The following DSCAML1 variants were observed in gnomAD, a reference collection of about 807,000 sequenced individuals.
The protein encoded by DSCAML1 is cell adhesion molecule DSCAML1.
Under a neutral mutation model 200.5 loss-of-function variants are expected in DSCAML1, and 38 were observed. The observed-to-expected ratio is 0.19, with a 90% confidence interval of 0.15 to 0.25. The LOEUF is 0.25. DSCAML1 is among the 10% of genes least tolerant of loss of function. The pLI, the probability that DSCAML1 is intolerant of heterozygous loss-of-function variation, is 1.00. For synonymous variants in DSCAML1, 1,215 were observed against 1,165.0 expected (o/e 1.04, Z -0.87); for missense variants, 2,223 against 2,858.8 (o/e 0.78, Z 5.07).
At chr11:117,652,078 C>T (rs929738509) in intron 3 of DSCAML1, among the ~76,000 whole-genome samples, 21 of 152,178 alleles carry the variant, frequency 1.4e-4, no homozygotes, top group African/African-American at 2.4e-4. Context: ...TCTCAGGGTT[C>T]GGAGATCGCA....
chr11:117,809,221 G>T (rs1482707499), intron 1 of DSCAML1, among the ~76,000 whole-genome samples: 1 of 152,252 alleles, frequency 6.6e-6, no homozygotes, highest in Non-Finnish European at 1.5e-5. Flanking sequence ...TTTGGCGAAG[G>T]GGCTCAGTGC....
intron 3 of DSCAML1, among the ~76,000 whole-genome samples, chr11:117,639,419 A>AATGGATGGGAAGCTGG (rs1565843515): frequency 1.1e-4 from 8 of 73,226 alleles, no homozygotes; most frequent in Non-Finnish European, 2.2e-4. Context: ...TAGGAGGCTG[A>AATGGATGGGAAGCTGG]ATGGATGGGA....
chr11:117,659,385 A>C (rs1169841314), intron 3 of DSCAML1, among the ~76,000 whole-genome samples: 5 of 152,238 alleles, frequency 3.3e-5, no homozygotes, highest in African/African-American at 7.2e-5. Flanking sequence ...ACAACTGGAA[A>C]CTGGGGCCAA....
At chr11:117,432,909 C>T (rs1030623661) in intron 29 of DSCAML1, among the ~76,000 whole-genome samples, 1 of 152,134 alleles carries the variant, frequency 6.6e-6, no homozygotes, top group African/African-American at 2.4e-5. Context: ...CCAACCCAGA[C>T]TTTATCCAAT....
chr11:117,692,605 A>G (rs1039818972), intron 3 of DSCAML1, among the ~76,000 whole-genome samples: 1 of 152,218 alleles, frequency 6.6e-6, no homozygotes, highest in African/African-American at 2.4e-5. Flanking sequence ...CTATGGTTCT[A>G]TAATTAGAGT....
chr11:117,659,799 A>T (rs1038333308), intron 3 of DSCAML1, among the ~76,000 whole-genome samples: 3 of 151,566 alleles, frequency 2.0e-5, no homozygotes, highest in Non-Finnish European at 4.4e-5. Flanking sequence ...GCTCACTGCA[A>T]CCTCCATCTC....
At position 117,489,740 on chromosome 11, in the gene DSCAML1, C is replaced by T. The variant is rs190826695; in HGVS notation, c.2360-7578G>A. Among the ~76,000 whole-genome samples, 40 of 152,334 alleles carry T rather than the reference C, an allele frequency of 2.6e-4. No homozygotes were observed. Among genetic ancestry groups the T allele is most frequent in the African/African-American group, 9.1e-4 (38 of 41,580 alleles). ...GGAGGCCAAGGAGGCTTCCTGATGACTTCCAGGGCTCTTCCCTGACACCCC... is the reference window on the plus strand; with the variant it reads ...GGAGGCCAAGGAGGCTTCCTGATGATTTCCAGGGCTCTTCCCTGACACCCC... On this transcript the variant is annotated intron_variant, in intron 11 of 32. Coordinates refer to ENST00000651296, the MANE Select transcript of DSCAML1 (RefSeq NM_020693.4). This position sits in a 1 kb window ranked among gnomAD's most constrained non-coding sequence, Gnocchi z 4.8.
Position 117,437,305 on chromosome 11 carries a change from T to A in DSCAML1, c.4537A>T (p.Ile1513Phe). 6.2e-7 allele frequency: 1 copy of A among 1,614,248 alleles called. No homozygotes were observed. The highest frequency in any genetic ancestry group is 8.5e-7 in the Non-Finnish European group (1 of 1,180,042). The part of the protein sequence containing the change: ...WNNGGCPITA[I>F]VLEYRPKGTW... ...CCCTTGGGCCGGTACTCCAGAACGA[T>A]GGCTGTGATAGGGCAGCCCCCATTG... is the stretch of plus-strand genomic sequence containing the variant. Residue 1513 changes from isoleucine (I) to phenylalanine (F), a missense_variant, in exon 26 of 33, where the codon ATC becomes TTC. Physicochemically the swap from Ile to Phe is conservative, Grantham distance 21 (BLOSUM62 0). Around this residue, in one of 7 missense-constraint regions of DSCAML1, gnomAD observed 614 missense variants for 739.1 expected, o/e 0.83. Transcript: ENST00000651296. This position sits in a 1 kb window ranked among gnomAD's most constrained non-coding sequence, Gnocchi z 5.3.
chr11:117,629,488 C>A (rs1339295827), intron 3 of DSCAML1, among the ~76,000 whole-genome samples: 1 of 147,234 alleles, frequency 6.8e-6, no homozygotes, highest in Non-Finnish European at 1.5e-5. Context: ...TCTCCCACCC[C>A]AAGAAGCAGC....
At position 117,599,982 on chromosome 11, in the gene DSCAML1, A is replaced by G. The variant is rs557989007; in HGVS notation, c.512-67460T>C. Among the ~76,000 whole-genome samples, 3 of 152,270 alleles carry G rather than the reference A, an allele frequency of 2.0e-5. No homozygotes were observed. In the South Asian group the frequency reaches 6.2e-4, roughly 32 times the overall value. On this transcript the variant is annotated intron_variant, in intron 3 of 32. Coordinates refer to ENST00000651296, the MANE Select transcript of DSCAML1 (RefSeq NM_020693.4). ...GTATTTGAATCTGGGCTCTGCCAAAAAGTGTCATCTGGAGCAAATTCCTTC... is the reference window on the plus strand; with the variant it reads ...GTATTTGAATCTGGGCTCTGCCAAAGAGTGTCATCTGGAGCAAATTCCTTC...
At chr11:117,448,532 C>T (rs181898011) in intron 20 of DSCAML1, among the ~76,000 whole-genome samples, 130 of 150,900 alleles carry the variant, frequency 8.6e-4, no homozygotes, top group Admixed American at 1.7e-3. Flanking sequence ...GAACGTGCCA[C>T]GGGAAGAAGC....
At chr11:117,716,634 A>G (rs2053956211) in intron 3 of DSCAML1, among the ~76,000 whole-genome samples, 1 of 152,228 alleles carries the variant, frequency 6.6e-6, no homozygotes, top group African/African-American at 2.4e-5. Flanking sequence ...AGCCAGAGTA[A>G]GAATCCAGAT....
chr11:117,652,592 T>C (rs549902671), intron 3 of DSCAML1, among the ~76,000 whole-genome samples: 1 of 152,116 alleles, frequency 6.6e-6, no homozygotes, highest in African/African-American at 2.4e-5. Context: ...GAAGAAGAGG[T>C]AGAGGAGAGA....
intron 8 of DSCAML1, among the ~76,000 whole-genome samples, chr11:117,512,779 A>ACC (rs1367581738): frequency 2.0e-5 from 3 of 148,510 alleles, no homozygotes; most frequent in African/African-American, 7.4e-5. Flanking sequence ...ACACACACAC[A>ACC]CACACACACA....
At chr11:117,535,318 C>T (rs1374996283) in intron 3 of DSCAML1, among the ~76,000 whole-genome samples, 1 of 152,250 alleles carries the variant, frequency 6.6e-6, no homozygotes, top group Non-Finnish European at 1.5e-5. Flanking sequence ...GAGTCTGGAA[C>T]TTCCCATTGA....
chr11:117,686,962 T>C (rs1166838825), intron 3 of DSCAML1, among the ~76,000 whole-genome samples: 1 of 152,240 alleles, frequency 6.6e-6, no homozygotes, highest in Non-Finnish European at 1.5e-5. Context: ...TGAATGTCTT[T>C]CCTCTTTAGG....
chr11:117,528,432 G>A (rs1475965995), intron 4 of DSCAML1, among the ~76,000 whole-genome samples: 1 of 152,222 alleles, frequency 6.6e-6, no homozygotes, highest in East Asian at 1.9e-4. Flanking sequence ...TGTACATGGC[G>A]ACAGCCCGGG....
intron 1 of DSCAML1, among the ~76,000 whole-genome samples, chr11:117,810,761 C>T (rs2055754275): frequency 6.6e-6 from 1 of 152,184 alleles, no homozygotes; most frequent in Admixed American, 6.5e-5. Flanking sequence ...CTAAATAATT[C>T]TTGTCGTAAA....
chr11:117,508,713 A>G (rs1267589801), intron 8 of DSCAML1, among the ~76,000 whole-genome samples: 1 of 152,090 alleles, frequency 6.6e-6, no homozygotes, highest in Non-Finnish European at 1.5e-5. Context: ...GGCAGTGATG[A>G]GGAGCTGGAG....
Sources: gnomAD v4.1 joint callset for allele counts (sites outside exome capture counted in the v4.1 genomes callset) on GRCh38, gnomAD v4.1.1 for gene constraint, gnomAD v4.1.1 regional missense constraint, Gnocchi (gnomAD v3.1) non-coding constraint, MANE v1.5 for transcripts, NCBI Gene and HGNC (gene_info 2026-07-23, HGNC 2026-07-21) for gene names.